The following ANO8 variants were observed in gnomAD, a reference collection of about 807,000 sequenced individuals.
ANO8 encodes anoctamin 8.
A neutral mutation model predicts 120.4 loss-of-function variants in ANO8; 67 were observed. The observed-to-expected ratio is 0.56, with a 90% CI of 0.46 to 0.68. ANO8 has a LOEUF of 0.68. ANO8 is among the 30% of genes least tolerant of loss of function. The pLI, the probability that ANO8 is intolerant of heterozygous loss-of-function variation, is 0.00. For synonymous variants in ANO8, 727 were observed against 759.2 expected, an observed-to-expected ratio of 0.96 and a Z score of 0.70; for missense variants, 1,526 against 1,737.6, an observed-to-expected ratio of 0.88 and a Z score of 2.16.
In ANO8 at chr19:17,325,329, C is replaced by T. The variant is rs757240054; in HGVS notation, c.2719G>A (p.Glu907Lys). 1.1e-5 allele frequency: 17 copies of T among 1,602,782 alleles called. No individual in the cohort carries two copies. The highest frequency in any genetic ancestry group is 1.4e-5 in the Non-Finnish European group (16 of 1,179,208). Residue 907 changes from glutamate (E) to lysine (K), a missense_variant, in exon 17 of 18, where the codon GAG (glutamate) becomes AAG (lysine). By Grantham distance (56) the Glu-to-Lys change is moderately conservative (BLOSUM62 1). Around this residue, in one of 8 missense-constraint regions of ANO8, gnomAD observed 489 missense variants for 548.6 expected, o/e 0.89. Transcript: ENST00000159087. The part of the protein sequence containing the change: ...YQQQQRRRRE[E>K]EERQRHAEHH... Reference sequence around the variant, plus strand: ...TCTGCATGGCGCTGTCGCTCCTCCTCCTCCCGCCGCCTGCGCTGCTGCTGC... The same window carrying T: ...TCTGCATGGCGCTGTCGCTCCTCCTTCTCCCGCCGCCTGCGCTGCTGCTGC...
Position 17,329,750 on chromosome 19 carries a change from G to A in ANO8, c.1404+7C>T. The A allele has an allele frequency of 1.9e-6, 3 of 1,609,756 alleles. No individual in the cohort carries two copies. Among genetic ancestry groups the A allele is most frequent in the South Asian group, 1.1e-5 (1 of 90,628 alleles). The stretch of plus-strand genomic sequence containing the variant: ...AGGGGGGACTGCCGCTGGGGCGGGG[G>A]TCTCACCTCTTTCAAGCGCTCCATG... On this transcript the variant is annotated splice_region_variant and intron_variant, in intron 12 of 17. Transcript: ENST00000159087.
rs2074251744 is a variant in ANO8 at position 17,323,557 on chromosome 19, G to A, written c.3659C>T (p.Pro1220Leu). ...ETPAPSPSPS[P>L]SPQAVCWPSG... ...GGGCCAGCACACGGCCTGGGGGCTG[G>A]GGCTGGGGCTAGGGGAGGGCGCTGG... The change falls in exon 18 of 18, where the codon CCC becomes CTC. Residue 1220 changes from proline (P) to leucine (L), a missense_variant. Around this residue, in one of 8 missense-constraint regions of ANO8, gnomAD observed 489 missense variants for 548.6 expected, o/e 0.89. Transcript: ENST00000159087. 7.7e-7 allele frequency: 1 copy of A among 1,293,584 alleles called. No homozygotes were observed. The highest frequency in any genetic ancestry group is 9.8e-7 in the Non-Finnish European group (1 of 1,019,966). The allele number at this position is 1,293,584 out of a possible 1,614,324, so 80.1% of individuals were successfully genotyped here. A position where few individuals can be genotyped will look rare whatever the true frequency, so the allele number is the denominator to read the frequency against.
chr19:17,334,667 C>T lies in ANO8; in HGVS notation c.4G>A (p.Ala2Thr), dbSNP rs1468648960. The change falls in exon 1 of 18, where the codon GCC becomes ACC. Residue 2 changes from alanine (A) to threonine (T), a missense_variant. Around this residue, in one of 8 missense-constraint regions of ANO8, gnomAD observed 53 missense variants for 45.0 expected, o/e 1.18. Transcript: ENST00000159087. MAEAASGAGGTS... is the reference protein window; with the variant it reads MTEAASGAGGTS... The stretch of plus-strand genomic sequence containing the variant: ...CCCCCGGCGCCGGAGGCGGCCTCGG[C>T]CATGGCGAGGACAGGTCAGGTCAGG... 6 of 1,465,588 alleles carry T rather than the reference C, an allele frequency of 4.1e-6. No individual in the cohort carries two copies. Among genetic ancestry groups the T allele is most frequent in the Non-Finnish European group, 4.5e-6 (5 of 1,117,310 alleles). 90.8% of individuals were successfully genotyped at this position (1,465,588 alleles called of 1,614,324 possible). A position where few individuals can be genotyped will look rare whatever the true frequency, so the allele number is the denominator to read the frequency against.
Position 17,328,876 on chromosome 19 carries a change from G to T in ANO8, c.1512C>A (p.Ala504=). Residue 504 remains alanine (A), a synonymous_variant, in exon 13 of 18, where the codon GCC becomes GCA. Coordinates refer to ENST00000159087, the MANE Select transcript of ANO8 (RefSeq NM_020959.3). ...RLGRGELGLR[A]VWELARALLG... ...GCAGGGCTCGGGCCAGCTCCCAGAC[G>T]GCCCGCAGGCCCAGCTCGCCGCGGC... is the stretch of plus-strand genomic sequence containing the variant. 2 of 1,499,900 alleles carry T rather than the reference G, an allele frequency of 1.3e-6. No individual in the cohort carries two copies. The highest frequency in any genetic ancestry group is 1.2e-5 in the South Asian group (1 of 80,394). 92.9% of individuals were successfully genotyped at this position (1,499,900 alleles called of 1,614,324 possible).
chr19:17,330,069 G>C, intron 10 of ANO8, 55 bp from the exon 11 acceptor site: 1 of 1,613,882 alleles, frequency 6.2e-7, no homozygotes, highest in Non-Finnish European at 8.5e-7. Context: ...AAGGGTGGCA[G>C]GGATCCCAAG....
intron 14 of ANO8, 29 bp from the exon 15 acceptor site, chr19:17,327,598 G>A (rs1280404018): frequency 6.2e-7 from 1 of 1,611,710 alleles, no homozygotes; most frequent in Admixed American, 1.7e-5. Context: ...GCTCAGGCGG[G>A]GTCCAGCCGG....
In ANO8 at chr19:17,333,670, G is replaced by C. The variant is rs779282084; in HGVS notation, c.217+20C>G. Reference sequence around the variant, plus strand: ...AGCCGCATCTGGGCACTGGGCGGGCGGGCGGGCGGGCTTGGGTACCTGGGA... The same window carrying C: ...AGCCGCATCTGGGCACTGGGCGGGCCGGCGGGCGGGCTTGGGTACCTGGGA... On this transcript the variant is annotated intron_variant, in intron 2 of 17. Coordinates refer to ENST00000159087, the MANE Select transcript of ANO8 (RefSeq NM_020959.3). The surrounding 1 kb of genome is among the most constrained non-coding windows in gnomAD (Gnocchi z 7.2). 4 of 554,616 alleles carry C rather than the reference G, an allele frequency of 7.2e-6. No individual in the cohort carries two copies. Among genetic ancestry groups the C allele is most frequent in the Non-Finnish European group, 1.3e-5 (4 of 308,464 alleles). The allele number at this position is 554,616 out of a possible 1,614,324, so 34.4% of individuals were successfully genotyped here.
rs139377020 is a variant in ANO8 at position 17,327,160 on chromosome 19, G to T, written c.2661+75C>A. The T allele has an allele frequency of 3.3e-4, 425 of 1,286,914 alleles. 1 individual carries two copies. The African/African-American group carries it at 5.4e-3, about 16-fold the overall frequency. 79.7% of individuals were successfully genotyped at this position (1,286,914 alleles called of 1,614,324 possible). ...TCTCTGCATTTGCCCTTACGCTAAG[G>T]AATTGGCCACCAAGATCAGAGATCC... On this transcript the variant is annotated intron_variant, in intron 16 of 17. Transcript: ENST00000159087.
At chr19:17,334,514 G>T in intron 1 of ANO8, 51 bp downstream of exon 1, 1 of 1,420,940 alleles carries the variant, frequency 7.0e-7, no homozygotes, top group South Asian at 1.3e-5. Context: ...TAGTTGACGC[G>T]GGCTCCCCAG....
Position 17,330,914 on chromosome 19 carries a change from T to G in ANO8, c.907A>C (p.Lys303Gln). The part of the protein sequence containing the change: ...IWSTLFLEEW[K>Q]RRGAELAYKW... ...TATGCCAGCTCAGCCCCTCTCCGCT[T>G]CCATTCCTCTAGGAACAGCGTCGAC... Residue 303 changes from lysine (K) to glutamine (Q), a missense_variant, in exon 8 of 18, where the codon AAG becomes CAG. Physicochemically the swap from Lys to Gln is moderately conservative, Grantham distance 53. Transcript: ENST00000159087. The G allele has an allele frequency of 6.2e-7, 1 of 1,614,088 alleles. No individual in the cohort carries two copies. The highest frequency in any genetic ancestry group is 8.5e-7 in the Non-Finnish European group (1 of 1,180,016).
chr19:17,328,603 TTCCTCCTCGTCCTCC>T lies in ANO8; in HGVS notation c.1770_1784del (p.Asp592_Glu596del), dbSNP rs1353136312. 8 of 1,541,332 alleles carry T rather than the reference TTCCTCCTCGTCCTCC, an allele frequency of 5.2e-6. No individual in the cohort carries two copies. Among genetic ancestry groups the T allele is most frequent in the East Asian group, 2.5e-5 (1 of 40,692 alleles). On this transcript the variant is annotated inframe_deletion, in exon 13 of 18. Transcript: ENST00000159087. ...CCTCGCCCTCCTCCTCGTCCTCCTC[TTCCTCCTCGTCCTCC>T]TCCTCCTCGTCGTCCTCGTCCTCCT...
Position 17,323,894 on chromosome 19 carries a change from C to A in ANO8, c.3332-10G>T, listed in dbSNP as rs2074255702. The A allele has an allele frequency of 1.8e-6, 2 of 1,116,316 alleles. No individual in the cohort carries two copies. The highest frequency in any genetic ancestry group is 4.3e-5 in the South Asian group (1 of 23,302). 69.2% of individuals were successfully genotyped at this position (1,116,316 alleles called of 1,614,324 possible). On this transcript the variant is annotated splice_polypyrimidine_tract_variant and intron_variant, in intron 17 of 17. Transcript: ENST00000159087. Reference sequence around the variant, plus strand: ...GGGGCCAGCGCTGTCCCTGCGGAGGCGAGAGGGGCCGTTCCGGGGGGATGC... The same window carrying A: ...GGGGCCAGCGCTGTCCCTGCGGAGGAGAGAGGGGCCGTTCCGGGGGGATGC...
Position 17,325,315 on chromosome 19 carries a change from C to T in ANO8, c.2733G>A (p.Gln911=). 1 of 1,604,918 alleles carries T rather than the reference C, an allele frequency of 6.2e-7. No homozygotes were observed. Residue 911 remains glutamine (Q), a synonymous_variant, in exon 17 of 18, where the codon CAG becomes CAA. Coordinates refer to ENST00000159087, the MANE Select transcript of ANO8 (RefSeq NM_020959.3). ...GCCGGGCATGGTGCTCTGCATGGCG[C>T]TGTCGCTCCTCCTCCTCCCGCCGCC... The part of the protein sequence containing the change: ...QRRRREEEER[Q]RHAEHHARRE...
chr19:17,324,202 A>C, intron 17 of ANO8, among the ~76,000 whole-genome samples: 1 of 6,186 alleles, frequency 1.6e-4, no homozygotes. Flanking sequence ...GGATTGGGGC[A>C]GGGGAGGTGG....
chr19:17,324,977 A>AAGGC lies in ANO8; in HGVS notation c.3067_3070dup (p.Phe1024CysfsTer18), dbSNP rs1168813959. 6.2e-7 allele frequency: 1 copy of AAGGC among 1,613,122 alleles called. No homozygotes were observed. Among genetic ancestry groups the AAGGC allele is most frequent in the Non-Finnish European group, 8.5e-7 (1 of 1,179,898 alleles). ...TGACTTGAGGAACTTGAAGCTGAGGAAGGCAGGCAGGCGGGTGTCGCTGCC... is the reference window on the plus strand; with the variant it reads ...TGACTTGAGGAACTTGAAGCTGAGGAAGGCAGGCAGGCAGGCGGGTGTCGCTGCC... On this transcript the variant is annotated frameshift_variant, in exon 17 of 18. Transcript: ENST00000159087. LOFTEE classifies it high-confidence loss of function.
At position 17,325,075 on chromosome 19, in the gene ANO8, T is replaced by C. The variant is rs755123; in HGVS notation, c.2973A>G (p.Ser991=). The change falls in exon 17 of 18, where the codon TCA becomes TCG. Residue 991 remains serine, a synonymous_variant. Transcript: ENST00000159087. Reference sequence around the variant, plus strand: ...CAGCAGCCAGTGAGGATGTGGCCCCTGACGAGAGGAATTTGCCCTGCAGTG... The same window carrying C: ...CAGCAGCCAGTGAGGATGTGGCCCCCGACGAGAGGAATTTGCCCTGCAGTG... ...IIPLQGKFLS[S]GATSSLAAAG... 0.7 allele frequency: 1,131,190 copies of C among 1,613,414 alleles called. 405,325 individuals carry two copies. The highest frequency in any genetic ancestry group is 0.85 in the African/African-American group (63,657 of 75,026).
In ANO8 at chr19:17,332,986, C is replaced by T. The variant is rs755543209; in HGVS notation, c.530G>A (p.Arg177His). The change falls in exon 5 of 18, where the codon CGT becomes CAT. Residue 177 changes from arginine (R) to histidine (H), a missense_variant. Arg to His is a conservative substitution (Grantham distance 29). Coordinates refer to ENST00000159087, the MANE Select transcript of ANO8 (RefSeq NM_020959.3). ...GTGGAGTGCTTCTCCCTGCTTGGCACGCAAATTCTGCAGCCAGAAGCGGAT... is the reference window on the plus strand; with the variant it reads ...GTGGAGTGCTTCTCCCTGCTTGGCATGCAAATTCTGCAGCCAGAAGCGGAT... ...SIIRFWLQNL[R>H]AKQGEALHNV... 6.2e-7 allele frequency: 1 copy of T among 1,614,182 alleles called. No individual in the cohort carries two copies. Among genetic ancestry groups the T allele is most frequent in the Non-Finnish European group, 8.5e-7 (1 of 1,180,044 alleles).
rs566987257 is a variant in ANO8 at position 17,328,121 on chromosome 19, GGCGAGGCCCCGCCCCCT to G, written c.2226+24_2226+40del. ...CCCTCGGACGGTGTGTCCCGTCCCC[GGCGAGGCCCCGCCCCCT>G]GCGAGGCCCCGCCCCCTCCTCACCT... On this transcript the variant is annotated intron_variant, in intron 13 of 17. Coordinates refer to ENST00000159087, the MANE Select transcript of ANO8 (RefSeq NM_020959.3). The G allele has an allele frequency of 6.6e-4, 953 of 1,436,518 alleles. 1 individual carries two copies. In the Admixed American group the frequency reaches 8.2e-3, roughly 12 times the overall value. 89.0% of individuals were successfully genotyped at this position (1,436,518 alleles called of 1,614,324 possible). A position where few individuals can be genotyped will look rare whatever the true frequency, so the allele number is the denominator to read the frequency against.
intron 1 of ANO8, 101 bp downstream of exon 1, chr19:17,334,464 C>T (rs888579858): frequency 4.5e-6 from 5 of 1,109,690 alleles, no homozygotes; most frequent in Non-Finnish European, 6.4e-6. Flanking sequence ...CGTCCAGACA[C>T]CACGCCAGGT....
Sources: gnomAD v4.1 joint callset for allele counts (sites outside exome capture counted in the v4.1 genomes callset) on GRCh38, gnomAD v4.1.1 for gene constraint, gnomAD v4.1.1 regional missense constraint, Gnocchi (gnomAD v3.1) non-coding constraint, MANE v1.5 for transcripts, NCBI Gene and HGNC (gene_info 2026-07-23, HGNC 2026-07-21) for gene names.